DNA2: variants seen among roughly 807,000 people sequenced by gnomAD.
DNA2 encodes the protein DNA replication helicase/nuclease 2, also known as DNA replication ATP-dependent helicase/nuclease DNA2.
In DNA2, 101 loss-of-function variants were observed where a neutral mutation model predicts 119.1. The observed-to-expected ratio is 0.85, with a 90% confidence interval of 0.72 to 1.00. DNA2 has a LOEUF of 1.00. DNA2 is among the 50% of genes least tolerant of loss of function. The pLI is 0.00. For synonymous variants in DNA2, 366 were observed against 424.4 expected (o/e 0.86, Z 1.69); for missense variants, 1,121 against 1,255.5 (o/e 0.89, Z 1.62).
At chr10:68,418,490 A>C (rs2051621420) in intron 19 of DNA2, among the ~76,000 whole-genome samples, 1 of 151,768 alleles carries the variant, frequency 6.6e-6, no homozygotes, top group South Asian at 2.1e-4. Flanking sequence ...AAAAAAAAAA[A>C]AACCAGAATA....
intron 2 of DNA2, 113 bp downstream of exon 2, chr10:68,469,868 C>T: frequency 2.1e-6 from 2 of 957,874 alleles, no homozygotes; most frequent in Non-Finnish European, 1.5e-6. Flanking sequence ...TAAGATCAAA[C>T]CTACTCCCTT....
chr10:68,470,302 A>T, intron 1 of DNA2, 139 bp from the exon 2 acceptor site: 1 of 704,236 alleles, frequency 1.4e-6, no homozygotes, highest in Non-Finnish European at 2.2e-6. Flanking sequence ...ATTTAGACAA[A>T]ATAGGTAAAA....
At position 68,422,421 on chromosome 10, in the gene DNA2, A is replaced by G; in HGVS notation, c.2501T>C (p.Met834Thr). 6.2e-7 allele frequency: 1 copy of G among 1,613,322 alleles called. No homozygotes were observed. The highest frequency in any genetic ancestry group is 8.5e-7 in the Non-Finnish European group (1 of 1,179,602). Residue 834 changes from methionine to threonine, a missense_variant, in exon 17 of 21, where the codon ATG (methionine) becomes ACG (threonine). Transcript: ENST00000358410. ...TVQYRMNSKIMSLSNKLTYEG... is the reference protein window; with the variant it reads ...TVQYRMNSKITSLSNKLTYEG... ...ATAGGTCAGCTTATTACTTAAGGACATAATTTTACTAAGGGAATTACAAAA... is the reference window on the plus strand; with the variant it reads ...ATAGGTCAGCTTATTACTTAAGGACGTAATTTTACTAAGGGAATTACAAAA...
chr10:68,443,211 T>A, intron 8 of DNA2, 100 bp from the exon 9 acceptor site: 1 of 985,716 alleles, frequency 1.0e-6, no homozygotes, highest in Non-Finnish European at 1.5e-6. Flanking sequence ...ATGATCATCA[T>A]CATAACTCAT....
intron 14 of DNA2, chr10:68,424,421 T>G: frequency 2.0e-6 from 1 of 494,256 alleles, no homozygotes; most frequent in East Asian, 4.0e-5. Flanking sequence ...GGAGGATCAC[T>G]TGAGCCAAGG....
intron 20 of DNA2, among the ~76,000 whole-genome samples, chr10:68,415,424 G>GCC (rs2051576171): frequency 6.6e-6 from 1 of 151,486 alleles, no homozygotes; most frequent in Non-Finnish European, 1.5e-5. Flanking sequence ...TTACAGGCAT[G>GCC]TGCCACCATG....
chr10:68,447,755 G>A (rs377265295), intron 6 of DNA2, among the ~76,000 whole-genome samples: 23 of 151,440 alleles, frequency 1.5e-4, no homozygotes, highest in East Asian at 5.9e-4. Context: ...AGGCCGAGGC[G>A]GGCGGATCAT....
At chr10:68,466,030 T>C (rs2052323174) in intron 3 of DNA2, among the ~76,000 whole-genome samples, 1 of 152,124 alleles carries the variant, frequency 6.6e-6, no homozygotes, top group African/African-American at 2.4e-5. Context: ...CCTTTTTTTT[T>C]TCTTTTTTGA....
At chr10:68,448,634 C>T (rs2052073235) in intron 6 of DNA2, among the ~76,000 whole-genome samples, 1 of 152,028 alleles carries the variant, frequency 6.6e-6, no homozygotes, top group Non-Finnish European at 1.5e-5. Context: ...AATTTTCTTG[C>T]ACTTCTTGCA....
chr10:68,443,104 C>A lies in DNA2; in HGVS notation c.1228G>T (p.Glu410Ter), dbSNP rs867948350. ...GNCALYSRAV[E>*]QQMDCSSVPI... Reference sequence around the variant, plus strand: ...ACTGAACTACAATCCATCTGTTGTTCAACTGCTCTAAATATAAAGTTCCAA... The same window carrying A: ...ACTGAACTACAATCCATCTGTTGTTAAACTGCTCTAAATATAAAGTTCCAA... The change falls in exon 9 of 21, where the codon GAA (glutamate) becomes TAA (stop). Residue 410 changes from glutamate to a stop codon, truncating the protein, a stop_gained. Coordinates refer to ENST00000358410, the MANE Select transcript of DNA2 (RefSeq NM_001080449.3). LOFTEE classifies it high-confidence loss of function. The A allele has an allele frequency of 6.4e-7, 1 of 1,562,384 alleles. No homozygotes were observed. Among genetic ancestry groups the A allele is most frequent in the Non-Finnish European group, 8.7e-7 (1 of 1,153,072 alleles).
chr10:68,426,044 G>A (rs2051736218), intron 14 of DNA2, among the ~76,000 whole-genome samples: 1 of 151,950 alleles, frequency 6.6e-6, no homozygotes, highest in African/African-American at 2.4e-5. Context: ...GCTGAGGCAT[G>A]AGAACCATCT....
intron 14 of DNA2, among the ~76,000 whole-genome samples, chr10:68,429,469 G>A (rs545291760): frequency 5.3e-5 from 8 of 151,358 alleles, no homozygotes; most frequent in East Asian, 3.9e-4. Context: ...GCTTGAATCC[G>A]GGAGGCAGAG....
intron 6 of DNA2, among the ~76,000 whole-genome samples, chr10:68,449,730 T>C (rs778965430): frequency 7.2e-5 from 11 of 151,988 alleles, no homozygotes; most frequent in Non-Finnish European, 1.2e-4. Flanking sequence ...CTGGCCAACA[T>C]AGTGAAACCT....
chr10:68,456,190 C>T (rs763957307), intron 5 of DNA2, among the ~76,000 whole-genome samples: 1 of 152,016 alleles, frequency 6.6e-6, no homozygotes, highest in Non-Finnish European at 1.5e-5. Flanking sequence ...CCACTGCACT[C>T]CAGTCTGGGC....
chr10:68,421,825 T>A (rs12777223), intron 17 of DNA2, among the ~76,000 whole-genome samples: 2 of 151,518 alleles, frequency 1.3e-5, no homozygotes, highest in Non-Finnish European at 2.9e-5. Flanking sequence ...CCTTTTTTTT[T>A]CCCCCCAAGA....
intron 17 of DNA2, among the ~76,000 whole-genome samples, chr10:68,420,212 C>T (rs751478032): frequency 6.6e-5 from 10 of 152,120 alleles, no homozygotes; most frequent in African/African-American, 9.7e-5. Flanking sequence ...GTAACTTTCC[C>T]AAGGCCTCAC....
intron 14 of DNA2, among the ~76,000 whole-genome samples, chr10:68,427,446 T>G (rs1348707617): frequency 1.3e-5 from 2 of 151,810 alleles, no homozygotes; most frequent in African/African-American, 4.8e-5. Context: ...GGAGGATCAT[T>G]TGAACCCAAG....
At position 68,450,098 on chromosome 10, in the gene DNA2, G is replaced by A. The variant is rs1468474205; in HGVS notation, c.869C>T (p.Thr290Ile). ...VGVKIHRGYK[T>I]KYKIMPLELK... ...TTCCAGCGGCATTATCTTGTATTTT[G>A]TTTTATACCCTCGATGTATTTTCAC... The change falls in exon 6 of 21, where the codon ACA becomes ATA. Residue 290 changes from threonine to isoleucine, a missense_variant. Thr to Ile is a moderately conservative substitution (Grantham distance 89, BLOSUM62 -1). Transcript: ENST00000358410. 2 of 1,601,258 alleles carry A rather than the reference G, an allele frequency of 1.2e-6. No individual in the cohort carries two copies. Among genetic ancestry groups the A allele is most frequent in the East Asian group, 2.2e-5 (1 of 44,618 alleles).
At position 68,419,692 on chromosome 10, in the gene DNA2, C is replaced by T. The variant is rs1005371624; in HGVS notation, c.2787+111G>A. ...AAATAAAAACAATGGGGCTTCAATC[C>T]CCCCCTTATCTTAATAAACGAGACT... On this transcript the variant is annotated intron_variant, in intron 18 of 20. Coordinates refer to ENST00000358410, the MANE Select transcript of DNA2 (RefSeq NM_001080449.3). The T allele has an allele frequency of 2.6e-5, 19 of 727,246 alleles. No homozygotes were observed. In the Admixed American group the frequency reaches 3.4e-4, roughly 13 times the overall value. The allele number at this position is 727,246 out of a possible 1,614,324, so 45.0% of individuals were successfully genotyped here.
Sources: allele counts gnomAD v4.1 joint callset (sites outside exome capture counted in the v4.1 genomes callset), GRCh38; gene constraint gnomAD v4.1.1; transcripts MANE v1.5; gene names NCBI Gene and HGNC (gene_info 2026-07-23, HGNC 2026-07-21).